MBNL1: variants seen among roughly 807,000 people sequenced by gnomAD.
MBNL1 encodes the protein muscleblind like splicing regulator 1, also known as muscleblind-like protein 1.
In MBNL1, 8 loss-of-function variants were observed where a neutral mutation model predicts 42.2. That is an observed-to-expected ratio of 0.19 (90% CI 0.11 to 0.34). The LOEUF (loss-of-function observed/expected upper bound fraction) is 0.34, where lower values mean the gene tolerates loss of function less well. MBNL1 is among the 10% of genes least tolerant of loss of function. MBNL1 has a pLI of 1.00. For missense variants in MBNL1, 309 were observed against 495.3 expected (o/e 0.62, Z 3.57); for synonymous variants, 169 against 173.9 (o/e 0.97, Z 0.22).
At chr3:152,346,754 A>C (rs2094310272) in intron 2 of MBNL1, among the ~76,000 whole-genome samples, 2 of 152,000 alleles carry the variant, frequency 1.3e-5, no homozygotes, top group South Asian at 4.1e-4. Context: ...TAAAATAGTG[A>C]GGGTTTCATA....
chr3:152,311,495 A>G (rs993864149), intron 2 of MBNL1, among the ~76,000 whole-genome samples: 4 of 152,206 alleles, frequency 2.6e-5, no homozygotes, highest in African/African-American at 7.2e-5. Context: ...ACAATGATTC[A>G]TATATCTTAT....
intron 2 of MBNL1, among the ~76,000 whole-genome samples, chr3:152,250,767 A>C (rs2034387849): frequency 6.6e-6 from 1 of 151,536 alleles, no homozygotes; most frequent in Non-Finnish European, 1.5e-5. Context: ...TGTCATAGAT[A>C]GCTCTTATTA....
intron 2 of MBNL1, among the ~76,000 whole-genome samples, chr3:152,334,857 C>T (rs1462351554): frequency 6.6e-6 from 1 of 152,124 alleles, no homozygotes; most frequent in Non-Finnish European, 1.5e-5. Flanking sequence ...TTCATAGTAA[C>T]AGTGTATTCA....
At chr3:152,337,989 A>ATTTT in intron 2 of MBNL1, 2 of 667,016 alleles carry the variant, frequency 3.0e-6, no homozygotes, top group Non-Finnish European at 3.7e-6. Context: ...GCACCCTGGG[A>ATTTT]TTTTTTTTTT....
chr3:152,340,627 C>G, intron 2 of MBNL1: 4 of 1,613,992 alleles, frequency 2.5e-6, no homozygotes, highest in South Asian at 1.1e-5. Context: ...GCACCTGCAA[C>G]TAAACCCACA....
At position 152,342,268 on chromosome 3, in the gene MBNL1, A is replaced by G. The variant is rs541218922; in HGVS notation, c.174+41901A>G. 4.3e-4 allele frequency among the ~76,000 whole-genome samples: 66 copies of G among 151,944 alleles called. No individual in the cohort carries two copies. In the South Asian group the frequency reaches 7.9e-3, roughly 18 times the overall value. ...GGGATTCTGTCTGCACCTCCTTCCA[A>G]CTCAATTTTGGGTTGCCATTCACTT... On this transcript the variant is annotated intron_variant, in intron 2 of 9. Transcript: ENST00000324210.
chr3:152,380,426 A>T (rs2097132544), intron 2 of MBNL1, among the ~76,000 whole-genome samples: 1 of 152,130 alleles, frequency 6.6e-6, no homozygotes, highest in Non-Finnish European at 1.5e-5. Flanking sequence ...AATGGAGAGA[A>T]TGAGAAGAAA....
intron 2 of MBNL1, among the ~76,000 whole-genome samples, chr3:152,251,837 A>C (rs2034602690): frequency 6.6e-6 from 1 of 151,894 alleles, no homozygotes; most frequent in Non-Finnish European, 1.5e-5. Context: ...CTCATCAAAA[A>C]TTTCCTCTCA....
chr3:152,458,973 GTA>G, intron 8 of MBNL1: 1 of 213,888 alleles, frequency 4.7e-6, no homozygotes, highest in Non-Finnish European at 9.3e-6. Flanking sequence ...GTGTGTGTGT[GTA>G]GGCCAACAAA....
intron 6 of MBNL1, among the ~76,000 whole-genome samples, chr3:152,448,864 T>C (rs553546441): frequency 1.6e-3 from 239 of 152,266 alleles, no homozygotes; most frequent in African/African-American, 5.6e-3. Flanking sequence ...GAAGTAACAA[T>C]TAACTACAAT....
intron 3 of MBNL1, among the ~76,000 whole-genome samples, chr3:152,420,916 G>T (rs956244045): frequency 6.6e-6 from 1 of 152,176 alleles, no homozygotes; most frequent in Non-Finnish European, 1.5e-5. Context: ...GTTTAGAGAA[G>T]AGCATAAATG....
Position 152,395,780 on chromosome 3 carries a change from C to T in MBNL1, c.175-19161C>T, listed in dbSNP as rs375943045. On this transcript the variant is annotated intron_variant, in intron 2 of 9. Coordinates refer to ENST00000324210, the MANE Select transcript of MBNL1 (RefSeq NM_021038.5). ...CCCTGAACAAAGCCTTTACCCCAAA[C>T]AGATTGCTTTAGCCACTGTCTGTTG... Among the ~76,000 whole-genome samples, 94 of 152,322 alleles carry T rather than the reference C, an allele frequency of 6.2e-4. No individual in the cohort carries two copies. In the South Asian group the frequency reaches 0.019, roughly 31 times the overall value.
chr3:152,268,911 T>C (rs966315019), upstream of MBNL1: 3 of 455,654 alleles, frequency 6.6e-6, no homozygotes, highest in African/African-American at 6.0e-5. Context: ...GATAAGAGGC[T>C]GCACAGCGAC....
chr3:152,394,877 C>G (rs761381641), intron 2 of MBNL1, among the ~76,000 whole-genome samples: 2 of 151,910 alleles, frequency 1.3e-5, no homozygotes, highest in South Asian at 4.2e-4. Context: ...TTTTTTGTCC[C>G]GAGAGGGAGT....
intron 4 of MBNL1, among the ~76,000 whole-genome samples, chr3:152,438,260 T>A (rs2099104620): frequency 1.3e-5 from 2 of 152,204 alleles, no homozygotes; most frequent in Non-Finnish European, 2.9e-5. Context: ...GTCTTTGAAA[T>A]GCTTTAATTC....
intron 1 of MBNL1, among the ~76,000 whole-genome samples, chr3:152,286,852 T>C (rs573804302): frequency 5.2e-4 from 79 of 152,252 alleles, no homozygotes; most frequent in African/African-American, 1.9e-3. Flanking sequence ...ACCAGTGAAG[T>C]AGCTTTTGCA....
At chr3:152,375,138 C>G (rs1285300133) in intron 2 of MBNL1, among the ~76,000 whole-genome samples, 1 of 152,116 alleles carries the variant, frequency 6.6e-6, no homozygotes, top group Non-Finnish European at 1.5e-5. Context: ...CCACACTTAC[C>G]CAGCGGAGTT....
chr3:152,406,505 T>C (rs902000192), intron 2 of MBNL1, among the ~76,000 whole-genome samples: 12 of 152,172 alleles, frequency 7.9e-5, no homozygotes, highest in Admixed American at 7.2e-4. Context: ...ATTTGTTGCC[T>C]TTTTCCCTTT....
chr3:152,273,439 T>A (rs1227338639), intron 1 of MBNL1, among the ~76,000 whole-genome samples: 1 of 152,194 alleles, frequency 6.6e-6, no homozygotes, highest in Non-Finnish European at 1.5e-5. Context: ...CCAGAACATC[T>A]CTTTCAGATA....
Sources: gnomAD v4.1 joint callset for allele counts (sites outside exome capture counted in the v4.1 genomes callset) on GRCh38, gnomAD v4.1.1 for gene constraint, MANE v1.5 for transcripts, NCBI Gene and HGNC (gene_info 2026-07-23, HGNC 2026-07-21) for gene names.